The following SLITRK4 variants were observed in gnomAD, a reference collection of about 807,000 sequenced individuals.
The protein encoded by SLITRK4 is SLIT and NTRK like family member 4.
Under a neutral mutation model 34.7 loss-of-function variants are expected in SLITRK4, and 7 were observed. The ratio of observed to expected loss-of-function variants is 0.20; its 90% CI spans 0.11 to 0.38. SLITRK4 has a LOEUF of 0.38. SLITRK4 is among the 10% of genes least tolerant of loss of function. The pLI is 1.00. For synonymous variants in SLITRK4, 237 were observed against 246.2 expected, an observed-to-expected ratio of 0.96 and a Z score of 0.35; for missense variants, 474 against 607.0, an observed-to-expected ratio of 0.78 and a Z score of 2.30.
Position 143,630,983 on chromosome X carries a change from G to A in SLITRK4, c.126C>T (p.Asn42=). 3 of 1,211,137 alleles carry A rather than the reference G, an allele frequency of 2.5e-6. No individual in the cohort carries two copies. Among genetic ancestry groups the A allele is most frequent in the African/African-American group, 1.7e-5 (1 of 57,808 alleles). ...CVSVENVLYV[N]CEKVSVYRPN... ...GTCTGTAGACTGAAACCTTCTCACA[G>A]TTGACATAGAGCACATTCTCAACTG... Residue 42 remains asparagine (N), a synonymous_variant, in exon 2 of 2, where the codon AAC becomes AAT. Coordinates refer to ENST00000356928, the MANE Select transcript of SLITRK4 (RefSeq NM_001184749.3).
rs1019664548 is a variant in SLITRK4 at position 143,623,801 on chromosome X, G to T, written c.*4794C>A. The T allele has an allele frequency of 8.1e-5, 9 of 111,140 alleles. No homozygotes were observed. Among genetic ancestry groups the T allele is most frequent in the African/African-American group, 2.6e-4 (8 of 30,698 alleles). 9.2% of individuals were successfully genotyped at this position (111,140 alleles called of 1,213,427 possible). A position where few individuals can be genotyped will look rare whatever the true frequency, so the allele number is the denominator to read the frequency against. ...AAACAGGATATTTTATTTTAGTTCA[G>T]CCCATCTGACCACAGTGACTAATGG... On this transcript the variant is annotated 3_prime_UTR_variant, in exon 2 of 2. Transcript: ENST00000356928.
chrX:143,630,889 G>C lies in SLITRK4; in HGVS notation c.220C>G (p.Leu74Val). 1.7e-6 allele frequency: 2 copies of C among 1,202,618 alleles called. No homozygotes were observed. Among genetic ancestry groups the C allele is most frequent in the Non-Finnish European group, 2.2e-6 (2 of 892,305 alleles). The change falls in exon 2 of 2, where the codon CTG becomes GTG. Residue 74 changes from leucine to valine, a missense_variant. By Grantham distance (32) the Leu-to-Val change is conservative (BLOSUM62 1). This residue lies in a region of SLITRK4 where 84 missense variants were observed against 101.3 expected (regional missense o/e 0.83). Transcript: ENST00000356928. ...LNFQNNFLNI[L>V]YPNTFLNFSH... The stretch of plus-strand genomic sequence containing the variant: ...AAATTCAAGAATGTATTTGGATACA[G>C]AATATTTAAAAAATTATTTTGGAAA...
rs1214136335 is a variant in SLITRK4, at chrX:143,626,851, C to T, written c.*1744G>A. On this transcript the variant is annotated 3_prime_UTR_variant, in exon 2 of 2. Coordinates refer to ENST00000356928, the MANE Select transcript of SLITRK4 (RefSeq NM_001184749.3). ...ACATATATGTATATATATACACACA[C>T]ATATATATACACACGCATATATATA... is the stretch of plus-strand genomic sequence containing the variant. 9.4e-6 allele frequency: 1 copy of T among 106,209 alleles called. No individual in the cohort carries two copies. The highest frequency in any genetic ancestry group is 1.9e-5 in the Non-Finnish European group (1 of 51,813). 8.8% of individuals were successfully genotyped at this position (106,209 alleles called of 1,213,427 possible). A position where few individuals can be genotyped will look rare whatever the true frequency, so the allele number is the denominator to read the frequency against.
rs1930973466 is a variant in SLITRK4, at chrX:143,630,193, T to G, written c.916A>C (p.Thr306Pro). The G allele has an allele frequency of 1.7e-6, 2 of 1,209,433 alleles. No homozygotes were observed. The highest frequency in any genetic ancestry group is 3.5e-5 in the African/African-American group (2 of 56,950). Reference protein sequence around the residue: ...LHRLVTKPPKTTNPSKISGIV... With the variant: ...LHRLVTKPPKPTNPSKISGIV... ...CCAGAGATCTTGGAAGGATTTGTTG[T>G]TTTTGGTGGTTTAGTTACTAATCTG... The change falls in exon 2 of 2, where the codon ACA (threonine) becomes CCA (proline). Residue 306 changes from threonine to proline, a missense_variant. Transcript: ENST00000356928.
At chrX:143,633,840 G>A (rs1931132155) in intron 1 of SLITRK4, among the ~76,000 whole-genome samples, 1 of 112,442 alleles carries the variant, frequency 8.9e-6, no homozygotes, top group Admixed American at 9.3e-5. Flanking sequence ...AGCGCGTACC[G>A]CAATGTTTTG....
In SLITRK4 at chrX:143,628,418, A is replaced by G; in HGVS notation, c.*177T>C. The stretch of plus-strand genomic sequence containing the variant: ...CACAGTATAGGTTTTATGTAGTAAA[A>G]TCTATTAAACAAATTCTCTTCTACT... On this transcript the variant is annotated 3_prime_UTR_variant, in exon 2 of 2. Coordinates refer to ENST00000356928, the MANE Select transcript of SLITRK4 (RefSeq NM_001184749.3). The G allele has an allele frequency of 2.3e-6, 1 of 426,773 alleles. No homozygotes were observed. Among genetic ancestry groups the G allele is most frequent in the Non-Finnish European group, 4.0e-6 (1 of 252,426 alleles). The allele number at this position is 426,773 out of a possible 1,213,427, so 35.2% of individuals were successfully genotyped here.
At chrX:143,635,412 C>G (rs1931204035) in intron 1 of SLITRK4, among the ~76,000 whole-genome samples, 1 of 103,393 alleles carries the variant, frequency 9.7e-6, no homozygotes, top group Non-Finnish European at 2.0e-5. Flanking sequence ...GCACTCGCCT[C>G]CATCCCCCCC....
Position 143,630,747 on chromosome X carries a change from A to G in SLITRK4, c.362T>C (p.Ile121Thr). 1 of 1,210,969 alleles carries G rather than the reference A, an allele frequency of 8.3e-7. No individual in the cohort carries two copies. The highest frequency in any genetic ancestry group is 2.3e-4 in the Middle Eastern group (1 of 4,345). ...QLHLNNNELKILRADTFLGIE... is the reference protein window; with the variant it reads ...QLHLNNNELKTLRADTFLGIE... ...GCCAAGGAAAGTGTCAGCTCGGAGA[A>G]TCTTTAATTCATTGTTGTTCAAGTG... Residue 121 changes from isoleucine to threonine, a missense_variant, in exon 2 of 2, where the codon ATT (isoleucine) becomes ACT (threonine). Ile to Thr is a moderately conservative substitution (Grantham distance 89). Around this residue, in one of 3 missense-constraint regions of SLITRK4, gnomAD observed 84 missense variants for 101.3 expected, o/e 0.83. Transcript: ENST00000356928.
rs1206379562 is a variant in SLITRK4 at position 143,625,164 on chromosome X, T to C, written c.*3431A>G. 9.0e-6 allele frequency: 1 copy of C among 110,946 alleles called. No individual in the cohort carries two copies. The highest frequency in any genetic ancestry group is 1.9e-5 in the Non-Finnish European group (1 of 52,685). The allele number at this position is 110,946 out of a possible 1,213,427, so 9.1% of individuals were successfully genotyped here. ...GGTCATGCCCTGTATAATTTATGCA[T>C]CCTTATGGCTTAAAGAAAAGTAAAT... On this transcript the variant is annotated 3_prime_UTR_variant, in exon 2 of 2. Coordinates refer to ENST00000356928, the MANE Select transcript of SLITRK4 (RefSeq NM_001184749.3).
Position 143,630,041 on chromosome X carries a change from T to G in SLITRK4, c.1068A>C (p.Gly356=), listed in dbSNP as rs1930965884. ...CFCKTHPSDL[G]LSVNCQEKNI... is the part of the protein sequence containing the mutation. ...TTTTCTCTTGGCAGTTCACACTTAGTCCCAAATCTGAAGGGTGTGTTTTGC... is the reference window on the plus strand; with the variant it reads ...TTTTCTCTTGGCAGTTCACACTTAGGCCCAAATCTGAAGGGTGTGTTTTGC... The change falls in exon 2 of 2, where the codon GGA becomes GGC. Residue 356 remains glycine, a synonymous_variant. Coordinates refer to ENST00000356928, the MANE Select transcript of SLITRK4 (RefSeq NM_001184749.3). 8.3e-7 allele frequency: 1 copy of G among 1,210,092 alleles called. No individual in the cohort carries two copies. The highest frequency in any genetic ancestry group is 1.7e-5 in the African/African-American group (1 of 57,193).
Position 143,628,300 on chromosome X carries a change from T to A in SLITRK4, c.*295A>T. The A allele has an allele frequency of 3.2e-6, 1 of 311,726 alleles. No homozygotes were observed. Among genetic ancestry groups the A allele is most frequent in the East Asian group, 4.6e-5 (1 of 21,713 alleles). 25.7% of individuals were successfully genotyped at this position (311,726 alleles called of 1,213,427 possible). On this transcript the variant is annotated 3_prime_UTR_variant, in exon 2 of 2. Transcript: ENST00000356928. ...AAGAGACGAAGGTTTTGCATTGGGG[T>A]ACAAAACAGATTTGCCTCTTGAGGT...
rs1221053474 is a variant in SLITRK4, at chrX:143,630,666, C to T, written c.443G>A (p.Arg148Gln). 3 of 1,211,104 alleles carry T rather than the reference C, an allele frequency of 2.5e-6. No homozygotes were observed. The highest frequency in any genetic ancestry group is 3.4e-6 in the Non-Finnish European group (3 of 895,309). ...TTTGTGGAGCTTATTGAAGGCTCCT[C>T]GTTCAATATACTTGATTAAATTGTA... Reference protein sequence around the residue: ...ADYNLIKYIERGAFNKLHKLK... With the variant: ...ADYNLIKYIEQGAFNKLHKLK... Residue 148 changes from arginine to glutamine, a missense_variant, in exon 2 of 2, where the codon CGA becomes CAA. Arg to Gln is a conservative substitution (Grantham distance 43). Coordinates refer to ENST00000356928, the MANE Select transcript of SLITRK4 (RefSeq NM_001184749.3).
In SLITRK4 at chrX:143,628,698, A is replaced by G. The variant is rs1930898454; in HGVS notation, c.2411T>C (p.Val804Ala). 8.3e-7 allele frequency: 1 copy of G among 1,209,929 alleles called. No individual in the cohort carries two copies. Among genetic ancestry groups the G allele is most frequent in the Non-Finnish European group, 1.1e-6 (1 of 895,263 alleles). ...AAAATACTCACTCTTCCTTTGTTCCACAACAATTTTACTGTGGTTGCCACC... is the reference window on the plus strand; with the variant it reads ...AAAATACTCACTCTTCCTTTGTTCCGCAACAATTTTACTGTGGTTGCCACC... The part of the protein sequence containing the change: ...LIGGNHSKIV[V>A]EQRKSEYFEL... The change falls in exon 2 of 2, where the codon GTG becomes GCG. Residue 804 changes from valine (V) to alanine (A), a missense_variant. Val to Ala is a moderately conservative substitution (Grantham distance 64, BLOSUM62 0). Coordinates refer to ENST00000356928, the MANE Select transcript of SLITRK4 (RefSeq NM_001184749.3).
chrX:143,629,978 T>A lies in SLITRK4; in HGVS notation c.1131A>T (p.Leu377Phe). The change falls in exon 2 of 2, where the codon TTA becomes TTT. Residue 377 changes from leucine (L) to phenylalanine (F), a missense_variant. Coordinates refer to ENST00000356928, the MANE Select transcript of SLITRK4 (RefSeq NM_001184749.3). ...CATTGACGTGCAGCTTCTTCGCATT[T>A]AAAGGTTTCGGTATCAGTTCAGACA... ...QSMSELIPKP[L>F]NAKKLHVNGN... The A allele has an allele frequency of 8.3e-7, 1 of 1,211,945 alleles. No individual in the cohort carries two copies. The highest frequency in any genetic ancestry group is 1.1e-6 in the Non-Finnish European group (1 of 895,618).
chrX:143,633,772 C>T (rs1950728292), intron 1 of SLITRK4, among the ~76,000 whole-genome samples: 1 of 111,623 alleles, frequency 9.0e-6, no homozygotes, highest in African/African-American at 3.3e-5. Flanking sequence ...AGAGACCCGG[C>T]CATTGCCGCC....
intron 1 of SLITRK4, among the ~76,000 whole-genome samples, chrX:143,635,499 C>T (rs188058036): frequency 2.0e-5 from 2 of 99,930 alleles, no homozygotes; most frequent in African/African-American, 7.6e-5. Context: ...CACACACACA[C>T]ACACACACAC....
rs1556427444 is a variant in SLITRK4, at chrX:143,630,139, G to A, written c.970C>T (p.Arg324Cys). Residue 324 changes from arginine to cysteine, a missense_variant, in exon 2 of 2, where the codon CGC (arginine) becomes TGC (cysteine). By Grantham distance (180) the Arg-to-Cys change is radical. This residue lies in a region of SLITRK4 where 345 missense variants were observed against 406.5 expected (regional missense o/e 0.85). Transcript: ENST00000356928. Reference sequence around the variant, plus strand: ...TAAGACACAATCTGACTGAGATTGCGGTTGGAGAGGGCTTTGCCTGCAACG... The same window carrying A: ...TAAGACACAATCTGACTGAGATTGCAGTTGGAGAGGGCTTTGCCTGCAACG... The part of the protein sequence containing the change: ...GIVAGKALSN[R>C]NLSQIVSYQT... 7.4e-6 allele frequency: 9 copies of A among 1,211,716 alleles called. No individual in the cohort carries two copies. The highest frequency in any genetic ancestry group is 5.9e-5 in the East Asian group (2 of 33,815).
At position 143,625,241 on chromosome X, in the gene SLITRK4, T is replaced by C. The variant is rs1556425248; in HGVS notation, c.*3354A>G. On this transcript the variant is annotated 3_prime_UTR_variant, in exon 2 of 2. Coordinates refer to ENST00000356928, the MANE Select transcript of SLITRK4 (RefSeq NM_001184749.3). ...TGGTCTTAAATAAATTTCTAATTCA[T>C]ATATTTTTTCAGTCTATTCAGAATG... is the stretch of plus-strand genomic sequence containing the variant. 2 of 111,440 alleles carry C rather than the reference T, an allele frequency of 1.8e-5. No homozygotes were observed. The highest frequency in any genetic ancestry group is 9.5e-5 in the Admixed American group (1 of 10,475). 9.2% of individuals were successfully genotyped at this position (111,440 alleles called of 1,213,427 possible).
At chrX:143,634,331 C>G (rs1008758019) in intron 1 of SLITRK4, 8 of 112,459 alleles carry the variant, frequency 7.1e-5, no homozygotes, top group African/African-American at 2.6e-4. Context: ...TACCCACCGG[C>G]TCTTCCTCTG....
Sources: allele counts gnomAD v4.1 joint callset (sites outside exome capture counted in the v4.1 genomes callset), GRCh38; gene constraint gnomAD v4.1.1; regional missense constraint gnomAD v4.1.1; transcripts MANE v1.5; gene names NCBI Gene and HGNC (gene_info 2026-07-23, HGNC 2026-07-21).